The following ASPHD1 variants were observed in gnomAD, a reference collection of about 807,000 sequenced individuals.
ASPHD1 encodes aspartate beta-hydroxylase domain containing 1.
Under a neutral mutation model 28.3 loss-of-function variants are expected in ASPHD1, and 20 were observed. The observed-to-expected ratio is 0.71, with a 90% CI of 0.50 to 1.03. ASPHD1 has a LOEUF of 1.03. Ranked by LOEUF, ASPHD1 falls within the 50% of genes least tolerant of loss-of-function variation. The probability of loss-of-function intolerance (pLI) is 0.00; values close to 1 mark genes in which losing one functional copy is unlikely to be tolerated. For missense variants in ASPHD1, 479 were observed against 524.1 expected (o/e 0.91, Z 0.84); for synonymous variants, 240 against 221.2 (o/e 1.08, Z -0.75).
intron 3 of ASPHD1, chr16:29,914,482 CTGAAGTGCA>C (rs1447847881): frequency 2.7e-5 from 4 of 147,458 alleles, no homozygotes; most frequent in Non-Finnish European, 4.4e-5. Context: ...GTCTCCCAAG[CTGAAGTGCA>C]GAGCCACCAC....
intron 3 of ASPHD1, chr16:29,911,495 T>C (rs955703578): frequency 3.5e-6 from 2 of 564,040 alleles, no homozygotes; most frequent in Non-Finnish European, 6.3e-6. Flanking sequence ...TGTCCCGACC[T>C]CCTCATCTGT....
chr16:29,914,769 A>C (rs2068780400), intron 3 of ASPHD1: 1 of 152,232 alleles, frequency 6.6e-6, no homozygotes, highest in Non-Finnish European at 1.5e-5. Context: ...CTGTGAGCTA[A>C]AGAGACAGGT....
intron 3 of ASPHD1, chr16:29,912,129 T>C: frequency 1.1e-6 from 1 of 946,814 alleles, no homozygotes; most frequent in Non-Finnish European, 1.7e-6. Context: ...AAAAGCTGGT[T>C]GGGAACAACT....
chr16:29,911,417 C>CT, intron 3 of ASPHD1: 1 of 564,892 alleles, frequency 1.8e-6, no homozygotes, highest in East Asian at 3.0e-5. Flanking sequence ...GCCAGGCCAC[C>CT]TCCCCGGGGG....
Position 29,905,817 on chromosome 16 carries a change from T to A in ASPHD1, c.1093T>A (p.Phe365Ile). Residue 365 changes from phenylalanine to isoleucine, a missense_variant, in exon 3 of 3, where the codon TTC (phenylalanine) becomes ATC (isoleucine). Transcript: ENST00000308748. Reference sequence around the variant, plus strand: ...CCCCGAAGATGGGCCTCGAGTGGTCTTCATCGTGGACCTCTGGCACCCCAA... The same window carrying A: ...CCCCGAAGATGGGCCTCGAGTGGTCATCATCGTGGACCTCTGGCACCCCAA... ...GSPEDGPRVV[F>I]IVDLWHPNVA... 5.0e-6 allele frequency: 8 copies of A among 1,613,770 alleles called. No homozygotes were observed. Among genetic ancestry groups the A allele is most frequent in the Non-Finnish European group, 6.8e-6 (8 of 1,179,836 alleles).
rs377563558 is a variant in ASPHD1 at position 29,905,929 on chromosome 16, G to A, written c.*32G>A. The A allele has an allele frequency of 6.8e-7, 1 of 1,470,582 alleles. No individual in the cohort carries two copies. Among genetic ancestry groups the A allele is most frequent in the Admixed American group, 1.8e-5 (1 of 55,874 alleles). The allele number at this position is 1,470,582 out of a possible 1,614,324, so 91.1% of individuals were successfully genotyped here. A position where few individuals can be genotyped will look rare whatever the true frequency, so the allele number is the denominator to read the frequency against. ...GTGCTCCCTTCACACACCCAGGCTG[G>A]AGAGACACTGCGCTCAGGGACGGCT... On this transcript the variant is annotated 3_prime_UTR_variant, in exon 3 of 3. Transcript: ENST00000308748.
chr16:29,910,908 C>T (rs1341335360), downstream of ASPHD1: 3 of 1,467,082 alleles, frequency 2.0e-6, no homozygotes, highest in Non-Finnish European at 2.8e-6. Context: ...CCCCTGCCAA[C>T]CTGCTTTTGT....
downstream of ASPHD1, among the ~76,000 whole-genome samples, chr16:29,909,098 T>G (rs1312825630): frequency 1.3e-5 from 2 of 152,066 alleles, no homozygotes; most frequent in East Asian, 3.8e-4. Context: ...TTCCACTGTG[T>G]GAAAAGGGCC....
At chr16:29,907,117 G>A (rs769071411), downstream of ASPHD1, 5 of 1,586,428 alleles carry the variant, frequency 3.2e-6, no homozygotes, top group Non-Finnish European at 4.3e-6. Context: ...ACCTGCAAAA[G>A]GCCAGCCGGC....
chr16:29,917,458 C>T (rs774725507), intron 3 of ASPHD1, among the ~76,000 whole-genome samples: 24 of 152,096 alleles, frequency 1.6e-4, no homozygotes, highest in Non-Finnish European at 3.2e-4. Context: ...ACCAGCTTGA[C>T]CAACATGGCA....
In ASPHD1 at chr16:29,900,681, G is replaced by A. The variant is rs868192497; in HGVS notation, c.-291G>A. On this transcript the variant is annotated 5_prime_UTR_variant, in exon 1 of 3. Coordinates refer to ENST00000308748, the MANE Select transcript of ASPHD1 (RefSeq NM_181718.4). ...AAGGAGAGAGCAGTGAGGCCGGAGA[G>A]AAAGAAGCTGCCGCGGAGGAAGACA... The A allele has an allele frequency of 8.4e-5, 44 of 526,774 alleles. No homozygotes were observed. In the Middle Eastern group the frequency reaches 1.5e-3, roughly 18 times the overall value. The allele number at this position is 526,774 out of a possible 1,614,324, so 32.6% of individuals were successfully genotyped here.
At chr16:29,912,257 C>T (rs2068726792) in intron 3 of ASPHD1, 1 of 595,878 alleles carries the variant, frequency 1.7e-6, no homozygotes, top group Admixed American at 3.3e-5. Flanking sequence ...TTCACACATC[C>T]AGCTTGTGCC....
intron 1 of ASPHD1, among the ~76,000 whole-genome samples, chr16:29,904,327 T>A (rs2068580291): frequency 6.6e-6 from 1 of 151,624 alleles, no homozygotes; most frequent in South Asian, 2.1e-4. Flanking sequence ...GCAGCTGTAA[T>A]CCTAGCTACT....
downstream of ASPHD1, chr16:29,906,623 C>T (rs1420912393): frequency 1.7e-5 from 11 of 659,860 alleles, no homozygotes; most frequent in Middle Eastern, 2.4e-4. Flanking sequence ...GAGGGAAGGA[C>T]GCAGGGCCAG....
At position 29,900,936 on chromosome 16, in the gene ASPHD1, A is replaced by G; in HGVS notation, c.-36A>G. On this transcript the variant is annotated 5_prime_UTR_variant, in exon 1 of 3. Transcript: ENST00000308748. ...GGAAGAAGAGGTAGAAGGAGAGAGAAAGGGGAGAGAAAGGAGAGAGGAGGG... is the reference window on the plus strand; with the variant it reads ...GGAAGAAGAGGTAGAAGGAGAGAGAGAGGGGAGAGAAAGGAGAGAGGAGGG... The G allele has an allele frequency of 2.6e-6, 4 of 1,532,788 alleles. No individual in the cohort carries two copies. Among genetic ancestry groups the G allele is most frequent in the Non-Finnish European group, 2.6e-6 (3 of 1,132,402 alleles). The allele number at this position is 1,532,788 out of a possible 1,614,324, so 94.9% of individuals were successfully genotyped here.
Position 29,901,244 on chromosome 16 carries a change from C to T in ASPHD1, c.273C>T (p.Phe91=), listed in dbSNP as rs2068541441. The stretch of plus-strand genomic sequence containing the variant: ...TCTTCGGGGCCCTCACTTCCCTGTT[C>T]CTCTGGTACTGCTACCGCCTGGGCT... ...TLLFGALTSL[F]LWYCYRLGSQ... Residue 91 remains phenylalanine, a synonymous_variant, in exon 1 of 3, where the codon TTC becomes TTT. Transcript: ENST00000308748. This position sits in a 1 kb window ranked among gnomAD's most constrained non-coding sequence, Gnocchi z 5.1. 2 of 1,613,632 alleles carry T rather than the reference C, an allele frequency of 1.2e-6. No homozygotes were observed. Among genetic ancestry groups the T allele is most frequent in the African/African-American group, 1.3e-5 (1 of 74,884 alleles).
chr16:29,907,524 G>C (rs11649519), downstream of ASPHD1, among the ~76,000 whole-genome samples: 2 of 152,066 alleles, frequency 1.3e-5, no homozygotes, highest in Non-Finnish European at 2.9e-5. Context: ...CAGTGACTCA[G>C]GCCTGTAATC....
downstream of ASPHD1, among the ~76,000 whole-genome samples, chr16:29,908,174 TGGGGAG>T (rs1162614281): frequency 6.6e-6 from 1 of 151,818 alleles, no homozygotes; most frequent in Non-Finnish European, 1.5e-5. Context: ...AAGAGCAGCC[TGGGGAG>T]GGCCAGGGCC....
At position 29,900,929 on chromosome 16, in the gene ASPHD1, AGAGAGAAAGGG is replaced by A. The variant is rs748847924; in HGVS notation, c.-32_-22del. 5.9e-5 allele frequency: 90 copies of A among 1,521,190 alleles called. No homozygotes were observed. The highest frequency in any genetic ancestry group is 5.7e-5 in the Non-Finnish European group (64 of 1,122,326). The allele number at this position is 1,521,190 out of a possible 1,614,324, so 94.2% of individuals were successfully genotyped here. A position where few individuals can be genotyped will look rare whatever the true frequency, so the allele number is the denominator to read the frequency against. On this transcript the variant is annotated 5_prime_UTR_variant, in exon 1 of 3. Coordinates refer to ENST00000308748, the MANE Select transcript of ASPHD1 (RefSeq NM_181718.4). ...GAGAGGAGGAAGAAGAGGTAGAAGG[AGAGAGAAAGGG>A]GAGAGAAAGGAGAGAGGAGGGTTGG...
Sources: gnomAD v4.1 joint callset for allele counts (sites outside exome capture counted in the v4.1 genomes callset) on GRCh38, gnomAD v4.1.1 for gene constraint, Gnocchi (gnomAD v3.1) non-coding constraint, MANE v1.5 for transcripts, NCBI Gene and HGNC (gene_info 2026-07-23, HGNC 2026-07-21) for gene names.